The following MPRIP variants were observed in gnomAD, a reference collection of about 807,000 sequenced individuals.
The protein encoded by MPRIP is myosin phosphatase Rho interacting protein.
In MPRIP, 59 loss-of-function variants were observed where a neutral mutation model predicts 234.9. That is an observed-to-expected ratio of 0.25 (90% CI 0.20 to 0.31). The LOEUF is 0.31. Ranked by LOEUF, MPRIP falls within the 10% of genes least tolerant of loss-of-function variation. The pLI is 1.00. For missense variants in MPRIP, 2,436 were observed against 3,071.0 expected, an observed-to-expected ratio of 0.79 and a Z score of 4.89; for synonymous variants, 1,144 against 1,263.9, an observed-to-expected ratio of 0.91 and a Z score of 2.01.
At chr17:17,062,946 T>C (rs575413622) in intron 1 of MPRIP, among the ~76,000 whole-genome samples, 1 of 152,230 alleles carries the variant, frequency 6.6e-6, no homozygotes, top group African/African-American at 2.4e-5. Context: ...ACCCTGTCTC[T>C]TGTCCTTGGT....
chr17:17,049,915 G>A (rs1240944702), intron 1 of MPRIP, among the ~76,000 whole-genome samples: 1 of 152,126 alleles, frequency 6.6e-6, no homozygotes, highest in Non-Finnish European at 1.5e-5. Flanking sequence ...GGGGCCGGGT[G>A]CAGTGGCTCA....
intron 13 of MPRIP, among the ~76,000 whole-genome samples, chr17:17,155,119 A>G (rs1275168657): frequency 6.6e-6 from 1 of 152,096 alleles, no homozygotes; most frequent in Non-Finnish European, 1.5e-5. Flanking sequence ...GCATCTGAGC[A>G]CCTCTGGTGC....
intron 3 of MPRIP, among the ~76,000 whole-genome samples, chr17:17,100,362 C>G (rs1033113362): frequency 6.6e-6 from 1 of 152,248 alleles, no homozygotes; most frequent in Non-Finnish European, 1.5e-5. Context: ...TCCCCCTTGT[C>G]GAACCAGTCA....
Position 17,171,876 on chromosome 17 carries a change from G to C in MPRIP, c.6472+11G>C. The C allele has an allele frequency of 1.2e-6, 2 of 1,610,602 alleles. No homozygotes were observed. The highest frequency in any genetic ancestry group is 1.7e-6 in the Non-Finnish European group (2 of 1,178,998). ...CGGCCACCATCTCAGGTTGGGGGGT[G>C]GGGTAACCCTGAGGGCAGGGTGGGT... is the stretch of plus-strand genomic sequence containing the variant. On this transcript the variant is annotated intron_variant, in intron 17 of 23. Coordinates refer to ENST00000651222, the MANE Select transcript of MPRIP (RefSeq NM_001364716.4).
At chr17:17,149,011 T>A (rs1002210926) in intron 11 of MPRIP, among the ~76,000 whole-genome samples, 6 of 152,224 alleles carry the variant, frequency 3.9e-5, no homozygotes, top group African/African-American at 7.2e-5. Context: ...TGTAGACAAT[T>A]GGAAGCTGTG....
intron 2 of MPRIP, among the ~76,000 whole-genome samples, chr17:17,076,549 T>C (rs77797731): frequency 0.014 from 2,184 of 152,340 alleles, 26 homozygotes; most frequent in Non-Finnish European, 0.02. Flanking sequence ...CTCTGTTCTT[T>C]GGGATTGCTT....
intron 3 of MPRIP, among the ~76,000 whole-genome samples, chr17:17,112,150 T>C (rs1771986560): frequency 6.6e-6 from 1 of 152,168 alleles, no homozygotes; most frequent in Non-Finnish European, 1.5e-5. Flanking sequence ...ACCTCATACT[T>C]GCGGGACAGA....
In MPRIP at chr17:17,186,156, T is replaced by G. The variant is rs914793012; in HGVS notation, c.*1262T>G. 3.3e-5 allele frequency: 5 copies of G among 152,242 alleles called. No individual in the cohort carries two copies. The highest frequency in any genetic ancestry group is 1.2e-4 in the African/African-American group (5 of 41,410). 9.4% of individuals were successfully genotyped at this position (152,242 alleles called of 1,614,324 possible). ...GGCTGGTGGAACAGGTTCTGCTACT[T>G]TAGGAGCAAGGTGGGGTGTGAGTAG... is the stretch of plus-strand genomic sequence containing the variant. On this transcript the variant is annotated 3_prime_UTR_variant, in exon 24 of 24. Coordinates refer to ENST00000651222, the MANE Select transcript of MPRIP (RefSeq NM_001364716.4).
rs2046050294 is a variant in MPRIP at position 17,168,291 on chromosome 17, G to T, written c.6324+376G>T. 5 of 268,670 alleles carry T rather than the reference G, an allele frequency of 1.9e-5. No individual in the cohort carries two copies. In the South Asian group the frequency reaches 2.0e-4, roughly 11 times the overall value. 16.6% of individuals were successfully genotyped at this position (268,670 alleles called of 1,614,324 possible). A position where few individuals can be genotyped will look rare whatever the true frequency, so the allele number is the denominator to read the frequency against. ...TGCCCCGGGAACCCCGTCTGGCCCA[G>T]TCCCAGCCCAAATCTGAGGCAGCTG... On this transcript the variant is annotated intron_variant, in intron 16 of 23. Transcript: ENST00000651222.
chr17:17,180,785 G>A, intron 23 of MPRIP: 1 of 1,140,780 alleles, frequency 8.8e-7, no homozygotes, highest in Non-Finnish European at 1.3e-6. Context: ...CCAAATCCAA[G>A]TGAGGTTTCT....
rs946200120 is a variant in MPRIP, at chr17:17,175,226, C to T, written c.6751-67C>T. The T allele has an allele frequency of 6.8e-6, 11 of 1,609,344 alleles. No homozygotes were observed. The Admixed American group carries it at 8.3e-5, about 12-fold the overall frequency. On this transcript the variant is annotated intron_variant, in intron 19 of 23. Coordinates refer to ENST00000651222, the MANE Select transcript of MPRIP (RefSeq NM_001364716.4). ...AAAGAACCTAGGGAAATGGCCTTCC[C>T]GGGTTGTGTCATGCGACTTGGCCCC...
rs1275346190 is a variant in MPRIP, at chr17:17,188,903, A to G, written c.*4009A>G. 1 of 152,228 alleles carries G rather than the reference A, an allele frequency of 6.6e-6. No homozygotes were observed. The highest frequency in any genetic ancestry group is 1.5e-5 in the Non-Finnish European group (1 of 68,054). 9.4% of individuals were successfully genotyped at this position (152,228 alleles called of 1,614,324 possible). A position where few individuals can be genotyped will look rare whatever the true frequency, so the allele number is the denominator to read the frequency against. The stretch of plus-strand genomic sequence containing the variant: ...CTGTTTGGCCTCCTAGGTTTTGCAT[A>G]TGACCTGCAGCCTAATTTGGGGTGT... On this transcript the variant is annotated 3_prime_UTR_variant, in exon 24 of 24. Coordinates refer to ENST00000651222, the MANE Select transcript of MPRIP (RefSeq NM_001364716.4).
At chr17:17,150,300 G>A (rs1475681392) in intron 12 of MPRIP, 67 bp downstream of exon 12, 30 of 1,250,524 alleles carry the variant, frequency 2.4e-5, no homozygotes, top group Non-Finnish European at 3.3e-5. Flanking sequence ...AGTGCCTAAT[G>A]TCTGGGCTGG....
Position 17,173,987 on chromosome 17 carries a change from A to G in MPRIP, c.6662A>G (p.Asn2221Ser), listed in dbSNP as rs2046200889. The G allele has an allele frequency of 1.9e-6, 3 of 1,613,648 alleles. No homozygotes were observed. Among genetic ancestry groups the G allele is most frequent in the Non-Finnish European group, 2.5e-6 (3 of 1,180,048 alleles). ...CAGTACTCGCAGAAGTGCCTGGAGAATGCCCATCTGGCCCAGGCGCTGGAG... is the reference window on the plus strand; with the variant it reads ...CAGTACTCGCAGAAGTGCCTGGAGAGTGCCCATCTGGCCCAGGCGCTGGAG... ...SEQYSQKCLE[N>S]AHLAQALEAE... Residue 2221 changes from asparagine to serine, a missense_variant, in exon 19 of 24, where the codon AAT becomes AGT. Transcript: ENST00000651222.
chr17:17,150,850 C>CT (rs997901936), intron 12 of MPRIP, among the ~76,000 whole-genome samples: 2 of 150,952 alleles, frequency 1.3e-5, no homozygotes, highest in African/African-American at 2.4e-5. Context: ...GCCTCCATTT[C>CT]TTTTTTTTTC....
At chr17:17,184,765 C>G (rs2046441934) in intron 23 of MPRIP, 58 bp from the exon 24 acceptor site, 2 of 1,381,982 alleles carry the variant, frequency 1.4e-6, no homozygotes, top group Non-Finnish European at 2.1e-6. Context: ...CCGGTCCGGT[C>G]CAGTGCAGGG....
At chr17:17,150,097 G>T in intron 11 of MPRIP, 47 bp from the exon 12 acceptor site, 1 of 1,441,524 alleles carries the variant, frequency 6.9e-7, no homozygotes, top group South Asian at 1.2e-5. Context: ...TCTAGGCATT[G>T]GTTCTACTTC....
Position 17,174,035 on chromosome 17 carries a change from A to G in MPRIP, c.6710A>G (p.Gln2237Arg). 3.1e-6 allele frequency: 5 copies of G among 1,613,400 alleles called. No homozygotes were observed. Among genetic ancestry groups the G allele is most frequent in the Non-Finnish European group, 3.4e-6 (4 of 1,179,996 alleles). ...GAGGCCGAGCGGCAGGCCCTGCGGC[A>G]GTGCCAGCGTGAGAACCAGGAGCTC... ...ALEAERQALR[Q>R]CQRENQELNA... The change falls in exon 19 of 24, where the codon CAG becomes CGG. Residue 2237 changes from glutamine (Q) to arginine (R), a missense_variant. Around this residue, in one of 4 missense-constraint regions of MPRIP, gnomAD observed 1,998 missense variants for 2,520.3 expected, o/e 0.79. Coordinates refer to ENST00000651222, the MANE Select transcript of MPRIP (RefSeq NM_001364716.4).
intron 3 of MPRIP, among the ~76,000 whole-genome samples, chr17:17,102,953 G>A (rs1029048853): frequency 2.0e-5 from 3 of 152,218 alleles, no homozygotes; most frequent in African/African-American, 7.2e-5. Flanking sequence ...ACTTCTGTCT[G>A]GCATGGGCTC....
Sources: gnomAD v4.1 joint callset for allele counts (sites outside exome capture counted in the v4.1 genomes callset) on GRCh38, gnomAD v4.1.1 for gene constraint, gnomAD v4.1.1 regional missense constraint, MANE v1.5 for transcripts, NCBI Gene and HGNC (gene_info 2026-07-23, HGNC 2026-07-21) for gene names.